Variants in GALNT13 observed in about 807,000 individuals in gnomAD.
The protein encoded by GALNT13 is UDP-GalNAc:polypeptide N-acetylgalactosaminyltransferase 13.
Under a neutral mutation model 64.2 loss-of-function variants are expected in GALNT13, and 28 were observed. That is an observed-to-expected ratio of 0.44 (90% confidence interval 0.32 to 0.60). The LOEUF is 0.60. GALNT13 is among the 20% of genes least tolerant of loss of function. The probability of loss-of-function intolerance (pLI) is 0.05; values close to 1 mark genes in which losing one functional copy is unlikely to be tolerated. For missense variants in GALNT13, 577 were observed against 669.8 expected (o/e 0.86, Z 1.53); for synonymous variants, 214 against 224.6 (o/e 0.95, Z 0.42).
upstream of GALNT13, among the ~76,000 whole-genome samples, chr2:153,867,166 C>T (rs1159299715): frequency 6.6e-6 from 1 of 152,184 alleles, no homozygotes; most frequent in Non-Finnish European, 1.5e-5. Context: ...TTAGCTGGAG[C>T]TATTCCCACT....
chr2:153,218,169 C>A, the GALNT13 span, among the ~76,000 whole-genome samples: 1 of 152,134 alleles, frequency 6.6e-6, no homozygotes, highest in Non-Finnish European at 1.5e-5. Context: ...TCTTAGATAA[C>A]TTCTTCTCTG....
chr2:153,403,101 T>G, the GALNT13 span, among the ~76,000 whole-genome samples: 1 of 151,688 alleles, frequency 6.6e-6, no homozygotes, highest in Admixed American at 6.6e-5. Context: ...TACAGATGGG[T>G]TTTTGGTGTG....
At chr2:153,508,572 C>T in the GALNT13 span, among the ~76,000 whole-genome samples, 2 of 152,180 alleles carry the variant, frequency 1.3e-5, no homozygotes, top group African/African-American at 4.8e-5. Context: ...CCCTACTGTA[C>T]TCCCCCAACA....
chr2:154,025,356 T>C (rs1395571256), intron 3 of GALNT13, among the ~76,000 whole-genome samples: 1 of 152,230 alleles, frequency 6.6e-6, no homozygotes, highest in African/African-American at 2.4e-5. Flanking sequence ...AAAGTTTACC[T>C]CTGATCTCAC....
the GALNT13 span, among the ~76,000 whole-genome samples, chr2:153,425,891 G>T: frequency 6.6e-6 from 1 of 151,644 alleles, no homozygotes; most frequent in Non-Finnish European, 1.5e-5. Flanking sequence ...GAGTCATTCT[G>T]CTTTACTATC....
At chr2:153,200,359 G>A in the GALNT13 span, among the ~76,000 whole-genome samples, 1 of 152,240 alleles carries the variant, frequency 6.6e-6, no homozygotes, top group Non-Finnish European at 1.5e-5. Flanking sequence ...AAAGTTGGTG[G>A]TCAGGAAGTT....
At chr2:153,831,755 C>T in the GALNT13 span, among the ~76,000 whole-genome samples, 1 of 152,178 alleles carries the variant, frequency 6.6e-6, no homozygotes, top group Non-Finnish European at 1.5e-5. Context: ...CAGCTTCCTA[C>T]TTCTACGTCC....
At chr2:153,497,198 A>G in the GALNT13 span, among the ~76,000 whole-genome samples, 1 of 152,118 alleles carries the variant, frequency 6.6e-6, no homozygotes. Context: ...CTTTTCTGCT[A>G]AACACCTATT....
intron 10 of GALNT13, among the ~76,000 whole-genome samples, chr2:154,397,028 T>C (rs1699087245): frequency 6.6e-6 from 1 of 151,470 alleles, no homozygotes. Context: ...TATATCTCAA[T>C]TGGTCAAAAC....
At chr2:153,953,303 A>C (rs1411639633) in intron 3 of GALNT13, among the ~76,000 whole-genome samples, 1 of 152,190 alleles carries the variant, frequency 6.6e-6, no homozygotes, top group Non-Finnish European at 1.5e-5. Context: ...TATAGAAAAA[A>C]GATACATACA....
the GALNT13 span, among the ~76,000 whole-genome samples, chr2:153,850,781 G>A: frequency 6.6e-6 from 1 of 152,164 alleles, no homozygotes; most frequent in Non-Finnish European, 1.5e-5. Flanking sequence ...GAGATTAGCT[G>A]CAGACAATGT....
the GALNT13 span, among the ~76,000 whole-genome samples, chr2:153,342,186 T>C: frequency 1.3e-5 from 2 of 152,334 alleles, no homozygotes; most frequent in East Asian, 3.9e-4. Context: ...TAGATAATGC[T>C]AGGTTCTTGC....
chr2:153,261,952 A>G, the GALNT13 span, among the ~76,000 whole-genome samples: 1 of 152,108 alleles, frequency 6.6e-6, no homozygotes, highest in African/African-American at 2.4e-5. Context: ...CTCTTACATC[A>G]GGGGACTTGG....
At chr2:153,174,848 C>A in the GALNT13 span, among the ~76,000 whole-genome samples, 1 of 152,120 alleles carries the variant, frequency 6.6e-6, no homozygotes, top group Non-Finnish European at 1.5e-5. Flanking sequence ...GCAATGCAGG[C>A]TTTCTCTACC....
chr2:153,284,946 C>T, the GALNT13 span, among the ~76,000 whole-genome samples: 1 of 151,544 alleles, frequency 6.6e-6, no homozygotes, highest in Non-Finnish European at 1.5e-5. Context: ...TACATACACA[C>T]ATGCATATGT....
chr2:153,316,005 T>C, the GALNT13 span, among the ~76,000 whole-genome samples: 1 of 151,926 alleles, frequency 6.6e-6, no homozygotes, highest in South Asian at 2.1e-4. Flanking sequence ...GAATAGACAC[T>C]TCTAAAGGAT....
intron 10 of GALNT13, among the ~76,000 whole-genome samples, chr2:154,408,322 T>C (rs1045108556): frequency 6.6e-6 from 1 of 152,116 alleles, no homozygotes; most frequent in Admixed American, 6.6e-5. Flanking sequence ...CCAAGAACTT[T>C]ATGTCTGTAG....
downstream of GALNT13, among the ~76,000 whole-genome samples, chr2:154,455,175 T>A (rs1702015581): frequency 6.6e-6 from 1 of 152,154 alleles, no homozygotes; most frequent in Non-Finnish European, 1.5e-5. Context: ...AAAAATTTGG[T>A]GGGAGGTTAG....
chr2:153,728,258 C>T, the GALNT13 span, among the ~76,000 whole-genome samples: 1 of 151,990 alleles, frequency 6.6e-6, no homozygotes, highest in African/African-American at 2.4e-5. Context: ...GAGTATATAC[C>T]CAGTAATGGG....
Sources: allele counts gnomAD v4.1 joint callset (sites outside exome capture counted in the v4.1 genomes callset), GRCh38; gene constraint gnomAD v4.1.1; transcripts MANE v1.5; gene names NCBI Gene and HGNC (gene_info 2026-07-23, HGNC 2026-07-21).